The following HECW1 variants were observed in gnomAD, a reference collection of about 807,000 sequenced individuals.
HECW1 encodes the protein E3 ubiquitin-protein ligase HECW1.
In HECW1, 61 loss-of-function variants were observed where a neutral mutation model predicts 182.3. The observed-to-expected ratio is 0.33, with a 90% confidence interval of 0.27 to 0.41. The LOEUF (loss-of-function observed/expected upper bound fraction) is 0.41. Ranked by LOEUF, HECW1 falls within the 10% of genes least tolerant of loss-of-function variation. HECW1 has a pLI of 1.00. For missense variants in HECW1, 1,739 were observed against 2,108.9 expected (o/e 0.82, Z 3.44); for synonymous variants, 859 against 832.6 (o/e 1.03, Z -0.55).
intron 2 of HECW1, among the ~76,000 whole-genome samples, chr7:43,206,295 G>A (rs1256757110): frequency 2.0e-5 from 3 of 152,268 alleles, no homozygotes; most frequent in African/African-American, 4.8e-5. Flanking sequence ...AGGATCTTCC[G>A]GGAGGCTCTG....
chr7:43,247,588 T>C (rs1206057820), intron 3 of HECW1, among the ~76,000 whole-genome samples: 1 of 149,812 alleles, frequency 6.7e-6, no homozygotes, highest in Non-Finnish European at 1.5e-5. Flanking sequence ...CAGTGGGCTA[T>C]AATCGTGCCA....
At chr7:43,239,788 ACT>A (rs1203750788) in intron 2 of HECW1, 4 of 152,040 alleles carry the variant, frequency 2.6e-5, no homozygotes, top group Non-Finnish European at 5.9e-5. Flanking sequence ...AGGACCAGCC[ACT>A]CCAGGGCTTC....
At chr7:43,115,832 G>A (rs1784999763) in intron 2 of HECW1, among the ~76,000 whole-genome samples, 1 of 152,142 alleles carries the variant, frequency 6.6e-6, no homozygotes, top group Non-Finnish European at 1.5e-5. Flanking sequence ...TAGCCTTTTT[G>A]TTCATAGAGC....
At chr7:43,292,339 G>C (rs1805496377) in intron 3 of HECW1, among the ~76,000 whole-genome samples, 1 of 152,168 alleles carries the variant, frequency 6.6e-6, no homozygotes, top group Non-Finnish European at 1.5e-5. Context: ...AAGTTTTACG[G>C]CCAGCACTTG....
At chr7:43,164,608 C>A (rs888954225) in intron 2 of HECW1, among the ~76,000 whole-genome samples, 21 of 152,190 alleles carry the variant, frequency 1.4e-4, no homozygotes, top group Non-Finnish European at 2.9e-5. Flanking sequence ...GGGTCAGGCC[C>A]CTGCAGGGCC....
intron 24 of HECW1, among the ~76,000 whole-genome samples, chr7:43,520,433 C>G (rs542638083): frequency 6.6e-6 from 1 of 152,076 alleles, no homozygotes; most frequent in Non-Finnish European, 1.5e-5. Context: ...GCCCTCCCCA[C>G]GCTTCCTTAG....
At chr7:43,537,722 C>T (rs949797306) in intron 24 of HECW1, among the ~76,000 whole-genome samples, 1 of 152,116 alleles carries the variant, frequency 6.6e-6, no homozygotes, top group Non-Finnish European at 1.5e-5. Flanking sequence ...ATGGGACTGG[C>T]TTAGAGTCAT....
chr7:43,545,405 GA>G (rs986871139), intron 26 of HECW1, among the ~76,000 whole-genome samples: 3 of 152,072 alleles, frequency 2.0e-5, no homozygotes, highest in African/African-American at 7.2e-5. Context: ...CGACAACTTA[GA>G]AAAAAAGCTT....
chr7:43,290,813 G>A (rs1805307994), intron 3 of HECW1, among the ~76,000 whole-genome samples: 1 of 152,208 alleles, frequency 6.6e-6, no homozygotes, highest in South Asian at 2.1e-4. Context: ...GGCAGTGCTT[G>A]GGATCCAAGC....
At chr7:43,282,497 T>G (rs1265520811) in intron 3 of HECW1, among the ~76,000 whole-genome samples, 1 of 152,162 alleles carries the variant, frequency 6.6e-6, no homozygotes, top group Non-Finnish European at 1.5e-5. Context: ...TCCCACTACA[T>G]GCCAGGCCCA....
At chr7:43,244,392 T>G (rs1280643439) in intron 3 of HECW1, among the ~76,000 whole-genome samples, 1 of 152,188 alleles carries the variant, frequency 6.6e-6, no homozygotes, top group African/African-American at 2.4e-5. Flanking sequence ...GATGGGCTCT[T>G]GCAGCAGGGT....
intron 2 of HECW1, among the ~76,000 whole-genome samples, chr7:43,166,586 T>C (rs1479265107): frequency 6.6e-6 from 1 of 152,230 alleles, no homozygotes; most frequent in East Asian, 1.9e-4. Flanking sequence ...GTAAAAGCTT[T>C]TCTTTACTAA....
intron 5 of HECW1, among the ~76,000 whole-genome samples, chr7:43,344,999 G>A (rs992261915): frequency 6.6e-6 from 1 of 152,066 alleles, no homozygotes; most frequent in Non-Finnish European, 1.5e-5. Flanking sequence ...ACTTTATTTT[G>A]TATAAGGGTT....
intron 24 of HECW1, among the ~76,000 whole-genome samples, chr7:43,510,832 T>C (rs117288661): frequency 0.14 from 21,162 of 152,138 alleles, 1,937 homozygotes; most frequent in Middle Eastern, 0.21. Context: ...CATGTTTCAG[T>C]GCAGCCACAA....
rs1285796909 is a variant in HECW1 at position 43,562,168 on chromosome 7, C to T, written c.*242C>T. 4.4e-6 allele frequency: 2 copies of T among 450,802 alleles called. No individual in the cohort carries two copies. The highest frequency in any genetic ancestry group is 7.5e-5 in the East Asian group (2 of 26,822). 27.9% of individuals were successfully genotyped at this position (450,802 alleles called of 1,614,324 possible). On this transcript the variant is annotated 3_prime_UTR_variant, in exon 30 of 30. Transcript: ENST00000395891. The stretch of plus-strand genomic sequence containing the variant: ...CTAGCCTGTATGCAATATTAAAAAA[C>T]AGCTGTCTCAAGGTCTGTGTATATC...
At chr7:43,202,399 C>T (rs1296464831) in intron 2 of HECW1, among the ~76,000 whole-genome samples, 1 of 152,024 alleles carries the variant, frequency 6.6e-6, no homozygotes, top group East Asian at 1.9e-4. Context: ...AAGTATCTTT[C>T]CTTTTCCATA....
At chr7:43,327,078 A>G (rs1018092487) in intron 5 of HECW1, among the ~76,000 whole-genome samples, 4 of 152,348 alleles carry the variant, frequency 2.6e-5, no homozygotes, top group Admixed American at 1.3e-4. Flanking sequence ...GCCATTTTCA[A>G]TCACTGTTGT....
At chr7:43,223,021 T>C (rs991947536) in intron 2 of HECW1, among the ~76,000 whole-genome samples, 1 of 152,206 alleles carries the variant, frequency 6.6e-6, no homozygotes, top group Non-Finnish European at 1.5e-5. Flanking sequence ...GAAACCAAAC[T>C]CTTGTTTTTC....
chr7:43,170,069 T>C lies in HECW1; in HGVS notation c.-32+55678T>C, dbSNP rs73314741. ...TACTGGGCCATGGCCTGTTGGGAAC[T>C]GGGCCTCACAGCAGGAGGTGAGCAA... On this transcript the variant is annotated intron_variant, in intron 2 of 29. Coordinates refer to ENST00000395891, the MANE Select transcript of HECW1 (RefSeq NM_015052.5). 4.1e-3 allele frequency among the ~76,000 whole-genome samples: 632 copies of C among 152,290 alleles called. 6 individuals carry two copies. The highest frequency in any genetic ancestry group is 0.014 in the African/African-American group (599 of 41,570).
Sources: gnomAD v4.1 joint callset for allele counts (sites outside exome capture counted in the v4.1 genomes callset) on GRCh38, gnomAD v4.1.1 for gene constraint, MANE v1.5 for transcripts, NCBI Gene and HGNC (gene_info 2026-07-23, HGNC 2026-07-21) for gene names.